Variants in CDH1 observed in about 807,000 individuals in gnomAD.
The protein encoded by CDH1 is cadherin 1.
Under a neutral mutation model 84.5 loss-of-function variants are expected in CDH1, and 35 were observed. The ratio of observed to expected loss-of-function variants is 0.41; its 90% CI spans 0.32 to 0.55. The LOEUF (loss-of-function observed/expected upper bound fraction) is 0.55. Ranked by LOEUF, CDH1 falls within the 20% of genes least tolerant of loss-of-function variation. The probability of loss-of-function intolerance (pLI) is 0.19; values close to 1 mark genes in which losing one functional copy is unlikely to be tolerated. For synonymous variants in CDH1, 417 were observed against 439.0 expected (o/e 0.95, Z 0.63); for missense variants, 994 against 1,126.6 (o/e 0.88, Z 1.68).
intron 2 of CDH1, among the ~76,000 whole-genome samples, chr16:68,760,084 A>T (rs1055593571): frequency 7.2e-4 from 76 of 105,232 alleles, no homozygotes; most frequent in African/African-American, 1.5e-3. Context: ...CCATATATAT[A>T]TATTTTTTTT....
intron 2 of CDH1, among the ~76,000 whole-genome samples, chr16:68,758,253 G>A (rs1382641077): frequency 1.7e-5 from 2 of 117,640 alleles, no homozygotes; most frequent in Admixed American, 1.1e-4. Flanking sequence ...GAGAGAGAGA[G>A]AGACCCAAAT....
Position 68,835,036 on chromosome 16 carries a change from G to C in CDH1, c.*1537G>C, listed in dbSNP as rs1961600408. 1 of 231,698 alleles carries C rather than the reference G, an allele frequency of 4.3e-6. No individual in the cohort carries two copies. 14.4% of individuals were successfully genotyped at this position (231,698 alleles called of 1,614,324 possible). ...CAAAGCCCAGAATCCCCAAGTGCCT[G>C]CTTTTGATGATGTCTACAGAAAATG... On this transcript the variant is annotated 3_prime_UTR_variant, in exon 16 of 16. Transcript: ENST00000261769.
At chr16:68,740,009 C>T (rs7196661) in intron 2 of CDH1, among the ~76,000 whole-genome samples, 122,532 of 152,118 alleles carry the variant, frequency 0.81, 50,112 homozygotes, top group Non-Finnish European at 0.89. Flanking sequence ...ATCGTTGTGA[C>T]AATCTAGAGT....
At chr16:68,759,970 T>C (rs958434525) in intron 2 of CDH1, among the ~76,000 whole-genome samples, 1 of 152,038 alleles carries the variant, frequency 6.6e-6, no homozygotes, top group African/African-American at 2.4e-5. Flanking sequence ...CATGCCAAGG[T>C]CCACCCATGC....
chr16:68,800,453 C>T (rs1304758026), intron 2 of CDH1, among the ~76,000 whole-genome samples: 6 of 151,102 alleles, frequency 4.0e-5, no homozygotes, highest in Non-Finnish European at 8.9e-5. Flanking sequence ...CAAGGGTGGC[C>T]CCTGATGGAA....
At chr16:68,807,541 TG>T in intron 3 of CDH1, among the ~76,000 whole-genome samples, 3 of 150,942 alleles carry the variant, frequency 2.0e-5, no homozygotes, top group Admixed American at 2.0e-4. Context: ...TAGGTGCACA[TG>T]GTGGTGCATG....
In CDH1 at chr16:68,828,188, C is replaced by T. The variant is rs578069093; in HGVS notation, c.2179C>T (p.Leu727Phe). Residue 727 changes from leucine to phenylalanine, a missense_variant, in exon 14 of 16, where the codon CTC becomes TTC. Physicochemically the swap from Leu to Phe is conservative, Grantham distance 22 (BLOSUM62 0). Around this residue, in one of 3 missense-constraint regions of CDH1, gnomAD observed 769 missense variants for 881.8 expected, o/e 0.87. Coordinates refer to ENST00000261769, the MANE Select transcript of CDH1 (RefSeq NM_004360.5). The part of the protein sequence containing the change: ...ILALLILILL[L>F]LLFLRRRAVV... ...CACCATCCCAGTTCTGATTCTGCTGCTCTTGCTGTTTCTTCGGAGGAGAGC... is the reference window on the plus strand; with the variant it reads ...CACCATCCCAGTTCTGATTCTGCTGTTCTTGCTGTTTCTTCGGAGGAGAGC... 7 of 1,613,944 alleles carry T rather than the reference C, an allele frequency of 4.3e-6. No individual in the cohort carries two copies. Among genetic ancestry groups the T allele is most frequent in the Admixed American group, 1.7e-5 (1 of 60,010 alleles).
At chr16:68,784,854 G>C (rs572293427) in intron 2 of CDH1, among the ~76,000 whole-genome samples, 1 of 147,966 alleles carries the variant, frequency 6.8e-6, no homozygotes, top group East Asian at 2.0e-4. Flanking sequence ...AGTGTTTCCT[G>C]TCTCTAATCC....
At chr16:68,789,116 C>T (rs2152123395) in intron 2 of CDH1, among the ~76,000 whole-genome samples, 1 of 152,232 alleles carries the variant, frequency 6.6e-6, no homozygotes, top group Middle Eastern at 3.4e-3. Context: ...CTTGACGTCC[C>T]CAGCTCAAGT....
intron 5 of CDH1, 194 bp downstream of exon 5, chr16:68,809,042 A>T: frequency 4.9e-6 from 3 of 606,280 alleles, no homozygotes; most frequent in Admixed American, 2.8e-5. Flanking sequence ...TCTCCTTGTC[A>T]GGAAGAAAGG....
chr16:68,772,130 C>T (rs1159289783), intron 2 of CDH1, among the ~76,000 whole-genome samples: 1 of 152,184 alleles, frequency 6.6e-6, no homozygotes, highest in Non-Finnish European at 1.5e-5. Context: ...ACACTGGGAC[C>T]CTGACTTAAG....
At chr16:68,788,788 G>A (rs1460589014) in intron 2 of CDH1, among the ~76,000 whole-genome samples, 3 of 152,054 alleles carry the variant, frequency 2.0e-5, no homozygotes, top group Non-Finnish European at 4.4e-5. Context: ...CACAAGATCA[G>A]GAGTTCAAGA....
intron 7 of CDH1, 41 bp from the exon 8 acceptor site, chr16:68,812,094 G>A (rs758574293): frequency 6.2e-7 from 1 of 1,613,788 alleles, no homozygotes; most frequent in Non-Finnish European, 8.5e-7. Context: ...AAGGTGGCTA[G>A]TGTTCCTGGT....
intron 2 of CDH1, among the ~76,000 whole-genome samples, chr16:68,781,043 A>G (rs920214486): frequency 1.3e-5 from 2 of 152,182 alleles, no homozygotes; most frequent in African/African-American, 2.4e-5. Flanking sequence ...CCAGAGATGA[A>G]TTGAGTCTGT....
At chr16:68,819,016 C>T (rs1336232682) in intron 10 of CDH1, among the ~76,000 whole-genome samples, 1 of 152,024 alleles carries the variant, frequency 6.6e-6, no homozygotes, top group African/African-American at 2.4e-5. Context: ...CCACCACACC[C>T]AGCTAATTTT....
intron 12 of CDH1, 33 bp from the exon 13 acceptor site, chr16:68,823,366 G>T: frequency 6.9e-7 from 1 of 1,442,400 alleles, no homozygotes. Flanking sequence ...TTCCTCCCCT[G>T]GTCTCATCAT....
chr16:68,793,190 A>G (rs547050542), intron 2 of CDH1, among the ~76,000 whole-genome samples: 1 of 152,314 alleles, frequency 6.6e-6, no homozygotes, highest in South Asian at 2.1e-4. Flanking sequence ...GTTGTGGTTG[A>G]CGTTGGCAGT....
In CDH1 at chr16:68,801,720, G is replaced by A. The variant is rs35606263; in HGVS notation, c.214G>A (p.Asp72Asn). The change falls in exon 3 of 16, where the codon GAC becomes AAC. Residue 72 changes from aspartate to asparagine, a missense_variant. By Grantham distance (23) the Asp-to-Asn change is conservative (BLOSUM62 1). Transcript: ENST00000261769. ...GRQRTAYFSL[D>N]TRFKVGTDGV... ...ACAAAGGACAGCCTATTTTTCCCTC[G>A]ACACCCGATTCAAAGTGGGCACAGA... 5.0e-5 allele frequency: 80 copies of A among 1,614,010 alleles called. No homozygotes were observed. Among genetic ancestry groups the A allele is most frequent in the Admixed American group, 4.5e-4 (27 of 60,002 alleles).
chr16:68,823,992 C>CTTTTTTTTTTTT (rs889358029), intron 13 of CDH1, among the ~76,000 whole-genome samples: 21 of 99,910 alleles, frequency 2.1e-4, no homozygotes, highest in African/African-American at 7.5e-4. Flanking sequence ...TTCTGCATTT[C>CTTTTTTTTTTTT]TTTTTTTTTT....
Sources: allele counts gnomAD v4.1 joint callset (sites outside exome capture counted in the v4.1 genomes callset), GRCh38; gene constraint gnomAD v4.1.1; regional missense constraint gnomAD v4.1.1; transcripts MANE v1.5; gene names NCBI Gene and HGNC (gene_info 2026-07-23, HGNC 2026-07-21).